The following ATP7B variants were observed in gnomAD, a reference collection of about 807,000 sequenced individuals.
The protein encoded by ATP7B is ATPase copper transporting beta.
ATP7B carries 113 observed loss-of-function variants against 118.9 expected under a neutral mutation model. The observed-to-expected ratio is 0.95, with a 90% CI of 0.82 to 1.11. The LOEUF (loss-of-function observed/expected upper bound fraction) is 1.11, where lower values mean the gene tolerates loss of function less well. ATP7B is among the 50% of genes most tolerant of loss of function. The pLI, the probability that ATP7B is intolerant of heterozygous loss-of-function variation, is 0.00. For missense variants in ATP7B, 1,867 were observed against 1,871.4 expected, an observed-to-expected ratio of 1.00 and a Z score of 0.04; for synonymous variants, 777 against 727.4, an observed-to-expected ratio of 1.07 and a Z score of -1.10.
At chr13:51,983,282 G>A (rs112789834) in intron 1 of ATP7B, among the ~76,000 whole-genome samples, 14,450 of 152,224 alleles carry the variant, frequency 0.095, 740 homozygotes, top group Non-Finnish European at 0.12. Flanking sequence ...CCCTCATAGT[G>A]TAAACAAAGC....
chr13:51,939,331 T>C, intron 16 of ATP7B, 138 bp from the exon 17 acceptor site: 1 of 1,415,584 alleles, frequency 7.1e-7, no homozygotes, highest in Non-Finnish European at 9.6e-7. Context: ...ATGTGGTTTT[T>C]TTGCTTTTTA....
At chr13:51,968,027 C>T (rs1951650809) in intron 4 of ATP7B, among the ~76,000 whole-genome samples, 1 of 152,210 alleles carries the variant, frequency 6.6e-6, no homozygotes, top group Admixed American at 6.5e-5. Flanking sequence ...CTTAGAATGG[C>T]ACTTTCTACC....
Position 51,968,544 on chromosome 13 carries a change from A to G in ATP7B, c.1607T>C (p.Val536Ala), listed in dbSNP as rs138427376. 7,149 of 1,613,854 alleles carry G rather than the reference A, an allele frequency of 4.4e-3. 25 individuals are homozygous for G. Among genetic ancestry groups the G allele is most frequent in the Non-Finnish European group, 5.2e-3 (6,078 of 1,179,946 alleles). ...GKAEIKYDPE[V>A]IQPLEIAQFI... is the part of the protein sequence containing the mutation. ...CTGAGCTATCTCGAGGGGCTGGATG[A>G]CCTCTGGGTCATACTTGATCTCTGC... Residue 536 changes from valine (V) to alanine (A), a missense_variant, in exon 4 of 21, where the codon GTC (valine) becomes GCC (alanine). Coordinates refer to ENST00000242839, the MANE Select transcript of ATP7B (RefSeq NM_000053.4).
rs1437192429 is a variant in ATP7B at position 51,949,738 on chromosome 13, A to G, written c.2789T>C (p.Ile930Thr). ...FSGYFVPFIIIMSTLTLVVWI... is the reference protein window; with the variant it reads ...FSGYFVPFIITMSTLTLVVWI... ...TACCACCAACGTCAAAGTTGACATG[A>G]TGATGATAAATGGGACAAAATATCC... Residue 930 changes from isoleucine to threonine, a missense_variant, in exon 12 of 21, where the codon ATC becomes ACC. Coordinates refer to ENST00000242839, the MANE Select transcript of ATP7B (RefSeq NM_000053.4). 6 of 1,614,174 alleles carry G rather than the reference A, an allele frequency of 3.7e-6. No homozygotes were observed. Among genetic ancestry groups the G allele is most frequent in the Non-Finnish European group, 4.2e-6 (5 of 1,180,024 alleles).
chr13:51,960,349 T>G (rs536593596), intron 6 of ATP7B, 27 bp from the exon 7 acceptor site: 1 of 1,608,918 alleles, frequency 6.2e-7, no homozygotes, highest in South Asian at 1.1e-5. Context: ...GCAACACAGA[T>G]ATATCAGATG....
intron 1 of ATP7B, among the ~76,000 whole-genome samples, chr13:51,984,711 A>G (rs1952571590): frequency 2.0e-5 from 3 of 152,232 alleles, no homozygotes; most frequent in Admixed American, 2.0e-4. Context: ...ACTTAACAGC[A>G]GATCTCTCTG....
intron 1 of ATP7B, chr13:51,978,868 C>T (rs1952258191): frequency 6.6e-6 from 1 of 152,194 alleles, no homozygotes; most frequent in African/African-American, 2.4e-5. Context: ...GTCTCTTCTC[C>T]ACATAGCACC....
rs1952005309 is a variant in ATP7B, at chr13:51,974,443, G to A, written c.777C>T (p.Leu259=). 1 of 1,614,002 alleles carries A rather than the reference G, an allele frequency of 6.2e-7. No individual in the cohort carries two copies. Among genetic ancestry groups the A allele is most frequent in the East Asian group, 2.2e-5 (1 of 44,880 alleles). ...LGHQGSHVVT[L]QLRIDGMHCK... is the part of the protein sequence containing the mutation. ...AATGCATTCCATCTATTCTCAGTTG[G>A]AGGGTGACCACATGGCTTCCTTGGT... The change falls in exon 2 of 21, where the codon CTC becomes CTT. Residue 259 remains leucine, a synonymous_variant. Coordinates refer to ENST00000242839, the MANE Select transcript of ATP7B (RefSeq NM_000053.4).
Position 51,970,682 on chromosome 13 carries a change from AC to A in ATP7B, c.1352del (p.Gly451ValfsTer47). ...AGNSMVQTTD[G>X]TPTSVQEVAP... ...CCACTTCCTGCACAGATGTAGGTGT[AC>A]CATCTGTAGTTTGCACCATGGAATT... On this transcript the variant is annotated frameshift_variant, in exon 3 of 21. Coordinates refer to ENST00000242839, the MANE Select transcript of ATP7B (RefSeq NM_000053.4). LOFTEE classifies it high-confidence loss of function. 1 of 1,613,950 alleles carries A rather than the reference AC, an allele frequency of 6.2e-7. No homozygotes were observed. The highest frequency in any genetic ancestry group is 1.7e-5 in the Admixed American group (1 of 60,024).
intron 7 of ATP7B, 78 bp downstream of exon 7, chr13:51,960,070 T>C: frequency 6.5e-7 from 1 of 1,536,014 alleles, no homozygotes; most frequent in South Asian, 1.1e-5. Context: ...AAGCACTATG[T>C]TTGCGCTTAG....
In ATP7B at chr13:51,939,035, C is replaced by T. The variant is rs1416580882; in HGVS notation, c.3699+16G>A. 3.7e-6 allele frequency: 6 copies of T among 1,614,242 alleles called. No individual in the cohort carries two copies. Among genetic ancestry groups the T allele is most frequent in the East Asian group, 2.2e-5 (1 of 44,884 alleles). ...TTTATGAGCTTTACACAGTTTGCAA[C>T]ATTAAAGGGCTGTACCTGGGTGGCA... is the stretch of plus-strand genomic sequence containing the variant. On this transcript the variant is annotated intron_variant, in intron 17 of 20. Transcript: ENST00000242839.
rs1952008106 is a variant in ATP7B at position 51,974,513 on chromosome 13, A to G, written c.707T>C (p.Leu236Ser). ...RLQSTNPKRPLSSANQNFNNS... is the reference protein window; with the variant it reads ...RLQSTNPKRPSSSANQNFNNS... ...ATTAAAATTCTGGTTAGCAGAAGAT[A>G]AAGGTCTCTTTGGGTTAGTGCTTTG... Residue 236 changes from leucine (L) to serine (S), a missense_variant, in exon 2 of 21, where the codon TTA becomes TCA. Coordinates refer to ENST00000242839, the MANE Select transcript of ATP7B (RefSeq NM_000053.4). 6.2e-7 allele frequency: 1 copy of G among 1,614,160 alleles called. No homozygotes were observed.
intron 1 of ATP7B, among the ~76,000 whole-genome samples, chr13:52,003,446 T>A (rs573215609): frequency 1.1e-3 from 170 of 152,228 alleles, no homozygotes; most frequent in Admixed American, 2.5e-3. Context: ...GGCCCCAAGA[T>A]GATTATAACA....
At chr13:51,986,753 G>T (rs957909288) in intron 1 of ATP7B, among the ~76,000 whole-genome samples, 1 of 152,158 alleles carries the variant, frequency 6.6e-6, no homozygotes. Flanking sequence ...ATGCAGCAAG[G>T]CTGGTTCAAC....
chr13:51,944,347 G>A (rs1957524608), intron 13 of ATP7B, 56 bp from the exon 14 acceptor site: 1 of 1,603,752 alleles, frequency 6.2e-7, no homozygotes, highest in South Asian at 1.1e-5. Context: ...GGCTTCCATA[G>A]TCACACTCCT....
At position 51,964,944 on chromosome 13, in the gene ATP7B, A is replaced by C; in HGVS notation, c.1797T>G (p.Leu599=). 1 of 1,614,200 alleles carries C rather than the reference A, an allele frequency of 6.2e-7. No homozygotes were observed. Among genetic ancestry groups the C allele is most frequent in the Non-Finnish European group, 8.5e-7 (1 of 1,180,040 alleles). The change falls in exon 5 of 21, where the codon CTT becomes CTG. Residue 599 remains leucine (L), a synonymous_variant. Coordinates refer to ENST00000242839, the MANE Select transcript of ATP7B (RefSeq NM_000053.4). ...ACTTAACAAGGGCTTTGCTGGTGGC[A>C]AGGGCAACGGAGGCATAAGTGATGC... The part of the protein sequence containing the change: ...TNGITYASVA[L]ATSKALVKFD...
At chr13:52,009,492 T>G (rs1269451017) in intron 1 of ATP7B, among the ~76,000 whole-genome samples, 1 of 152,218 alleles carries the variant, frequency 6.6e-6, no homozygotes, top group Non-Finnish European at 1.5e-5. Context: ...AACCTGTTTT[T>G]GGCCAAGCTT....
chr13:51,986,548 C>T (rs2140307245), intron 1 of ATP7B, among the ~76,000 whole-genome samples: 1 of 152,278 alleles, frequency 6.6e-6, no homozygotes, highest in South Asian at 2.1e-4. Flanking sequence ...AGAGGGACTC[C>T]TCCCTAACTC....
At chr13:51,937,137 A>C in intron 19 of ATP7B, 139 bp downstream of exon 19, 1 of 680,400 alleles carries the variant, frequency 1.5e-6, no homozygotes, top group Non-Finnish European at 2.5e-6. Flanking sequence ...AGCAGGGGAC[A>C]TGAAAAAAAA....
Sources: gnomAD v4.1 joint callset for allele counts (sites outside exome capture counted in the v4.1 genomes callset) on GRCh38, gnomAD v4.1.1 for gene constraint, MANE v1.5 for transcripts, NCBI Gene and HGNC (gene_info 2026-07-23, HGNC 2026-07-21) for gene names.